Variants in CD8B2 observed in about 807,000 individuals in gnomAD.
CD8B2 encodes the protein T-cell surface glycoprotein CD8 beta-2 chain.
CD8B2 carries 11 observed loss-of-function variants against 23.7 expected under a neutral mutation model. The ratio of observed to expected loss-of-function variants is 0.46; its 90% CI spans 0.29 to 0.77. The LOEUF is 0.77. Among genes scored for constraint, CD8B2 ranks in the 30% least tolerant of loss-of-function variants. The probability of loss-of-function intolerance (pLI) is 0.09; values close to 1 mark genes in which losing one functional copy is unlikely to be tolerated. For synonymous variants in CD8B2, 90 were observed against 109.3 expected (o/e 0.82, Z 1.10); for missense variants, 197 against 270.5 (o/e 0.73, Z 1.91).
intron 5 of CD8B2, among the ~76,000 whole-genome samples, chr2:106,526,561 T>C (rs1361043777): frequency 6.6e-6 from 1 of 152,270 alleles, no homozygotes; most frequent in East Asian, 1.9e-4. Flanking sequence ...CATAATGTTT[T>C]CAAGTTGTAT....
chr2:106,503,964 A>G (rs1249050227), intron 4 of CD8B2, among the ~76,000 whole-genome samples: 1 of 152,210 alleles, frequency 6.6e-6, no homozygotes, highest in African/African-American at 2.4e-5. Flanking sequence ...GTTTAAGGAC[A>G]CAGACTCTGC....
chr2:106,544,120 A>G (rs898460395), exon 6 of CD8B2: 1 of 398,496 alleles, frequency 2.5e-6, no homozygotes, highest in Non-Finnish European at 4.4e-6. Context: ...TAATTGCAGG[A>G]CTTGGTGGAG....
intron 5 of CD8B2, among the ~76,000 whole-genome samples, chr2:106,532,841 C>A (rs1680008775): frequency 6.6e-6 from 1 of 152,146 alleles, no homozygotes; most frequent in African/African-American, 2.4e-5. Flanking sequence ...ATCTTTATGA[C>A]CTGTGTCTTG....
chr2:106,504,231 G>T (rs1401707649), intron 4 of CD8B2, 58 bp from the exon 5 acceptor site: 36 of 1,551,692 alleles, frequency 2.3e-5, no homozygotes, highest in Admixed American at 3.9e-5. Flanking sequence ...TGGCCTCTGG[G>T]GCTCAGCACA....
chr2:106,506,637 C>T (rs1679511370), intron 5 of CD8B2, among the ~76,000 whole-genome samples: 1 of 102,214 alleles, frequency 9.8e-6, no homozygotes, highest in South Asian at 6.0e-4. Flanking sequence ...TTCTTCTGGC[C>T]CCTTGATATA....
At chr2:106,527,506 C>T (rs575235828) in intron 5 of CD8B2, among the ~76,000 whole-genome samples, 20 of 152,198 alleles carry the variant, frequency 1.3e-4, no homozygotes, top group South Asian at 4.1e-4. Context: ...TGGGATCAGC[C>T]GGGCACAGTG....
chr2:106,498,223 T>C (rs939499506), intron 3 of CD8B2, among the ~76,000 whole-genome samples: 6 of 151,768 alleles, frequency 4.0e-5, no homozygotes, highest in South Asian at 2.1e-4. Context: ...TCTCAGCTCA[T>C]TGCAACCTCC....
At chr2:106,521,031 AG>A in intron 5 of CD8B2, among the ~76,000 whole-genome samples, 1 of 149,870 alleles carries the variant, frequency 6.7e-6, no homozygotes, top group Non-Finnish European at 1.5e-5. Context: ...AGGGAGAGAG[AG>A]AGAGAGAGAG....
chr2:106,530,445 C>CTCGG (rs769811369), intron 5 of CD8B2, among the ~76,000 whole-genome samples: 1 of 152,170 alleles, frequency 6.6e-6, no homozygotes, highest in Non-Finnish European at 1.5e-5. Context: ...GTGGCGCGAT[C>CTCGG]TCGGCTCACT....
intron 5 of CD8B2, among the ~76,000 whole-genome samples, chr2:106,517,232 G>C (rs1425339607): frequency 6.6e-6 from 1 of 151,802 alleles, no homozygotes; most frequent in Non-Finnish European, 1.5e-5. Flanking sequence ...GAATAGTCTT[G>C]TTTTTCCACA....
At chr2:106,542,258 C>T (rs1000571972) in intron 5 of CD8B2, among the ~76,000 whole-genome samples, 5 of 152,214 alleles carry the variant, frequency 3.3e-5, no homozygotes, top group Non-Finnish European at 2.9e-5. Context: ...CTGGGGTTCA[C>T]GGCTGGTCAG....
Position 106,524,439 on chromosome 2 carries a change from A to G in CD8B2, c.621-19553A>G, listed in dbSNP as rs775563366. On this transcript the variant is annotated intron_variant, in intron 5 of 5. Coordinates refer to the CD8B2 transcript ENST00000416057. ...CTTCTGTTGAAGGGTGTTCAGCTGG[A>G]GAACTGCCCTCAGCCGATTCCTGAA... Among the ~76,000 whole-genome samples the G allele has an allele frequency of 1.1e-3, 163 of 152,228 alleles. 2 individuals carry two copies. Among genetic ancestry groups the G allele is most frequent in the Non-Finnish European group, 2.0e-3 (138 of 68,010 alleles).
chr2:106,519,813 T>C (rs1679795231), intron 5 of CD8B2, among the ~76,000 whole-genome samples: 1 of 152,190 alleles, frequency 6.6e-6, no homozygotes, highest in African/African-American at 2.4e-5. Flanking sequence ...ATAAACTCAA[T>C]GTTTTAAGGA....
chr2:106,543,174 G>T (rs1455437283), intron 5 of CD8B2: 4 of 152,152 alleles, frequency 2.6e-5, no homozygotes, highest in African/African-American at 9.7e-5. Flanking sequence ...CGACCGCCGG[G>T]AACTGCCTTA....
At chr2:106,488,255 G>A (rs1220426263) in intron 1 of CD8B2, among the ~76,000 whole-genome samples, 1 of 151,190 alleles carries the variant, frequency 6.6e-6, no homozygotes, top group African/African-American at 2.4e-5. Flanking sequence ...AATAGAAAGA[G>A]CCCAGGCCGT....
At chr2:106,543,104 C>T (rs192099960) in intron 5 of CD8B2, 2 of 152,300 alleles carry the variant, frequency 1.3e-5, no homozygotes, top group East Asian at 3.9e-4. Flanking sequence ...AAGTTCTCTC[C>T]TGAGAAGAAG....
Position 106,509,174 on chromosome 2 carries a change from T to G in CD8B2, c.*2234T>G, listed in dbSNP as rs1443591456. 2 of 152,280 alleles carry G rather than the reference T, an allele frequency of 1.3e-5. No individual in the cohort carries two copies. The highest frequency in any genetic ancestry group is 4.8e-5 in the African/African-American group (2 of 41,450). The allele number at this position is 152,280 out of a possible 1,614,324, so 9.4% of individuals were successfully genotyped here. On this transcript the variant is annotated 3_prime_UTR_variant, in exon 6 of 6. Coordinates refer to ENST00000643224, the MANE Select transcript of CD8B2 (RefSeq NM_001349727.2). ...TGTTTCTCCTTGATTCAGCACGAAT[T>G]GGCCTTAGATTCCCTGGCCCCAGAC...
At chr2:106,543,238 C>T (rs1273451599) in intron 5 of CD8B2, 1 of 152,132 alleles carries the variant, frequency 6.6e-6, no homozygotes, top group Admixed American at 6.6e-5. Flanking sequence ...AATAAAATAT[C>T]AGGCTTGGCG....
Position 106,491,016 on chromosome 2 carries a change from C to A in CD8B2, c.186C>A (p.Ser62Arg). The change falls in exon 2 of 6, where the codon AGC (serine) becomes AGA (arginine). Residue 62 changes from serine (S) to arginine (R), a missense_variant. Physicochemically the swap from Ser to Arg is moderately radical, Grantham distance 110 (BLOSUM62 -1). Around this residue, in one of 3 missense-constraint regions of CD8B2, gnomAD observed 140 missense variants for 164.2 expected, o/e 0.85. Coordinates refer to ENST00000643224, the MANE Select transcript of CD8B2 (RefSeq NM_001349727.2). ...GGCTGAGACAGCGCCAGGCCCCGAG[C>A]AGTGATAGTCACCACGAGTTCCTGA... The part of the protein sequence containing the change: ...IYWLRQRQAP[S>R]SDSHHEFLTL... 6.2e-7 allele frequency: 1 copy of A among 1,614,016 alleles called. No homozygotes were observed. The highest frequency in any genetic ancestry group is 8.5e-7 in the Non-Finnish European group (1 of 1,179,882).
Sources: gnomAD v4.1 joint callset for allele counts (sites outside exome capture counted in the v4.1 genomes callset) on GRCh38, gnomAD v4.1.1 for gene constraint, gnomAD v4.1.1 regional missense constraint, MANE v1.5 for transcripts, NCBI Gene and HGNC (gene_info 2026-07-23, HGNC 2026-07-21) for gene names.